Variants in RBFOX2 observed in about 807,000 individuals in gnomAD.
RBFOX2 encodes the protein RNA binding fox-1 homolog 2.
In RBFOX2, 10 loss-of-function variants were observed where a neutral mutation model predicts 49.1. The ratio of observed to expected loss-of-function variants is 0.20; its 90% CI spans 0.13 to 0.35. The LOEUF (loss-of-function observed/expected upper bound fraction) is 0.35, where lower values mean the gene tolerates loss of function less well. Among genes scored for constraint, RBFOX2 ranks in the 10% least tolerant of loss-of-function variants. RBFOX2 has a pLI of 1.00. For missense variants in RBFOX2, 323 were observed against 486.9 expected, an observed-to-expected ratio of 0.66 and a Z score of 3.17; for synonymous variants, 183 against 187.4, an observed-to-expected ratio of 0.98 and a Z score of 0.19.
chr22:35,880,966 T>C (rs976373376), intron 1 of RBFOX2, among the ~76,000 whole-genome samples: 3 of 152,186 alleles, frequency 2.0e-5, no homozygotes, highest in African/African-American at 7.2e-5. Flanking sequence ...ATCTAATTAG[T>C]TGCATGAAAC....
intron 2 of RBFOX2, among the ~76,000 whole-genome samples, chr22:35,805,962 C>A (rs1414835028): frequency 6.6e-6 from 1 of 152,040 alleles, no homozygotes; most frequent in Non-Finnish European, 1.5e-5. Flanking sequence ...TCAGTGGTTG[C>A]CAGGGGTTGG....
intron 2 of RBFOX2, among the ~76,000 whole-genome samples, chr22:35,801,445 ACACTCTCTCT>A (rs895690669): frequency 4.6e-5 from 7 of 151,190 alleles, no homozygotes; most frequent in African/African-American, 1.7e-4. Flanking sequence ...ACACACACAC[ACACTCTCTCT>A]CTCTCTCTCT....
At chr22:36,008,900 C>G (rs528924208) in intron 1 of RBFOX2, among the ~76,000 whole-genome samples, 1 of 152,112 alleles carries the variant, frequency 6.6e-6, no homozygotes, top group African/African-American at 2.4e-5. Flanking sequence ...TACAATCTAT[C>G]TTCAAAACAC....
At chr22:35,915,260 C>T (rs2050282497) in intron 1 of RBFOX2, among the ~76,000 whole-genome samples, 1 of 152,178 alleles carries the variant, frequency 6.6e-6, no homozygotes, top group Admixed American at 6.5e-5. Flanking sequence ...AAACCCAATA[C>T]CCTGCCAAAT....
chr22:36,012,001 T>C (rs2058840231), intron 1 of RBFOX2, among the ~76,000 whole-genome samples: 2 of 152,192 alleles, frequency 1.3e-5, no homozygotes, highest in South Asian at 4.1e-4. Context: ...TCAGCTCTGA[T>C]GATTTTATAC....
At chr22:35,928,509 T>C (rs1196169123) in intron 1 of RBFOX2, among the ~76,000 whole-genome samples, 1 of 152,216 alleles carries the variant, frequency 6.6e-6, no homozygotes, top group Non-Finnish European at 1.5e-5. Flanking sequence ...AAATCTTCTT[T>C]GAAGGAACCA....
intron 1 of RBFOX2, among the ~76,000 whole-genome samples, chr22:35,948,481 G>A (rs2054562649): frequency 6.6e-6 from 1 of 152,068 alleles, no homozygotes; most frequent in African/African-American, 2.4e-5. Context: ...GGAAGAGGTC[G>A]AGACCAGCCT....
chr22:35,981,856 C>G (rs1347244763), intron 1 of RBFOX2, among the ~76,000 whole-genome samples: 1 of 152,130 alleles, frequency 6.6e-6, no homozygotes, highest in East Asian at 1.9e-4. Context: ...AGTAAGAAGA[C>G]AGCCCACACA....
At chr22:35,790,670 T>A (rs893447986) in intron 2 of RBFOX2, among the ~76,000 whole-genome samples, 2 of 152,228 alleles carry the variant, frequency 1.3e-5, no homozygotes, top group Admixed American at 1.3e-4. Context: ...GTGAAGGGTA[T>A]GCAGAAATCT....
chr22:35,967,344 C>T (rs12169519), intron 1 of RBFOX2, among the ~76,000 whole-genome samples: 19,844 of 150,986 alleles, frequency 0.13, 2,822 homozygotes, highest in African/African-American at 0.36. Flanking sequence ...TGCCACCGCA[C>T]TCTAGCCTGG....
chr22:35,885,843 A>ATTTTTTTTTTTTT (rs538674450), intron 1 of RBFOX2, among the ~76,000 whole-genome samples: 2 of 83,146 alleles, frequency 2.4e-5, no homozygotes, highest in African/African-American at 1.1e-4. Flanking sequence ...CCCAAACCTA[A>ATTTTTTTTTTTTT]TTTTTTTTTT....
At chr22:35,924,261 A>T (rs553775298) in intron 1 of RBFOX2, among the ~76,000 whole-genome samples, 2 of 152,352 alleles carry the variant, frequency 1.3e-5, no homozygotes, top group African/African-American at 4.8e-5. Flanking sequence ...CAATAATAGA[A>T]TACCAGAATT....
intron 1 of RBFOX2, among the ~76,000 whole-genome samples, chr22:36,018,954 G>A (rs1315970713): frequency 1.3e-5 from 2 of 152,116 alleles, no homozygotes; most frequent in Non-Finnish European, 2.9e-5. Flanking sequence ...TAGCAGTCTG[G>A]AGAGCGGGTT....
intron 2 of RBFOX2, among the ~76,000 whole-genome samples, chr22:35,784,595 T>C (rs1413632496): frequency 6.6e-6 from 1 of 152,268 alleles, no homozygotes. Flanking sequence ...GCCCAAGGGC[T>C]GCATGGGCAT....
At chr22:35,808,682 TACAAAA>T (rs1048649654) in intron 2 of RBFOX2, among the ~76,000 whole-genome samples, 11 of 151,954 alleles carry the variant, frequency 7.2e-5, no homozygotes, top group Admixed American at 3.9e-4. Context: ...ACCCTGTCTC[TACAAAA>T]AAAATTAAAA....
chr22:35,907,686 C>T (rs1479116663), intron 1 of RBFOX2, among the ~76,000 whole-genome samples: 5 of 151,944 alleles, frequency 3.3e-5, no homozygotes, highest in African/African-American at 1.2e-4. Context: ...GTCGCTCCGT[C>T]GCGCAGGCTG....
chr22:35,967,730 A>T (rs1401454614), intron 1 of RBFOX2, among the ~76,000 whole-genome samples: 1 of 152,222 alleles, frequency 6.6e-6, no homozygotes, highest in Non-Finnish European at 1.5e-5. Flanking sequence ...ATCCAAGCTG[A>T]TTTCAACAAA....
chr22:35,928,763 C>A lies in RBFOX2; in HGVS notation c.-34+10084G>T, dbSNP rs576186423. Among the ~76,000 whole-genome samples, 13 of 152,014 alleles carry A rather than the reference C, an allele frequency of 8.6e-5. No homozygotes were observed. The South Asian group carries it at 2.3e-3, about 27-fold the overall frequency. ...TCTTACAACTCAATAAGAAGAAAAA[C>A]CAAATAAAAAGTGGGCAAAAGACCT... On this transcript the variant is annotated intron_variant, in intron 1 of 13. Coordinates refer to the RBFOX2 transcript ENST00000359369.
In RBFOX2 at chr22:35,834,229, G is replaced by T. The variant is rs112232288; in HGVS notation, c.27+5963C>A. Among the ~76,000 whole-genome samples, 607 of 152,312 alleles carry T rather than the reference G, an allele frequency of 4.0e-3. 9 individuals are homozygous for T. Among genetic ancestry groups the T allele is most frequent in the Admixed American group, 0.036 (557 of 15,302 alleles). On this transcript the variant is annotated intron_variant, in intron 1 of 11. Coordinates refer to ENST00000405409, the Ensembl canonical transcript of RBFOX2. ...CTGAACTTGGGCAAGTTACTTAACCGTCATATGCCTAGTTTCCTCTTTTGT... is the reference window on the plus strand; with the variant it reads ...CTGAACTTGGGCAAGTTACTTAACCTTCATATGCCTAGTTTCCTCTTTTGT...
Sources: gnomAD v4.1 joint callset for allele counts (sites outside exome capture counted in the v4.1 genomes callset) on GRCh38, gnomAD v4.1.1 for gene constraint, MANE v1.5 for transcripts, NCBI Gene and HGNC (gene_info 2026-07-23, HGNC 2026-07-21) for gene names.